SLC19A1: variants seen among roughly 807,000 people sequenced by gnomAD.
SLC19A1 encodes reduced folate transporter.
A neutral mutation model predicts 35.3 loss-of-function variants in SLC19A1; 37 were observed. That is an observed-to-expected ratio of 1.05 (90% CI 0.81 to 1.38). The LOEUF (loss-of-function observed/expected upper bound fraction) is 1.38, where lower values mean the gene tolerates loss of function less well. Among genes scored for constraint, SLC19A1 ranks in the 40% most tolerant of loss-of-function variants. SLC19A1 has a pLI of 0.00. For synonymous variants in SLC19A1, 460 were observed against 398.5 expected (o/e 1.15, Z -1.84); for missense variants, 831 against 826.9 (o/e 1.00, Z -0.06).
intron 3 of SLC19A1, chr21:45,504,379 T>A: frequency 6.3e-7 from 1 of 1,588,430 alleles, no homozygotes; most frequent in Non-Finnish European, 8.6e-7. Flanking sequence ...CTTGTAGGGG[T>A]TCAGGGCTCC....
chr21:45,556,426 C>T (rs899337028), intron 1 of SLC19A1, among the ~76,000 whole-genome samples: 3 of 152,214 alleles, frequency 2.0e-5, no homozygotes, highest in African/African-American at 7.2e-5. Context: ...CACCAGCGCC[C>T]GGGCTTGGGT....
At position 45,533,123 on chromosome 21, in the gene SLC19A1, G is replaced by T. The variant is rs929392470; in HGVS notation, c.190-975C>A. 3.9e-5 allele frequency among the ~76,000 whole-genome samples: 6 copies of T among 152,210 alleles called. No individual in the cohort carries two copies. Among genetic ancestry groups the T allele is most frequent in the Admixed American group, 1.3e-4 (2 of 15,284 alleles). ...GTAGCCGCCCTGCACCCTCCCAGGA[G>T]GGGGAGCACAGGCTGTCAGCCTGCC... On this transcript the variant is annotated intron_variant, in intron 2 of 5. Transcript: ENST00000311124. The surrounding 1 kb of genome is among the most constrained non-coding windows in gnomAD (Gnocchi z 4.5).
At chr21:45,548,055 G>A (rs757330659), upstream of SLC19A1, among the ~76,000 whole-genome samples, 2 of 152,188 alleles carry the variant, frequency 1.3e-5, no homozygotes, top group South Asian at 2.1e-4. Context: ...GAAAAGTGAC[G>A]TCGGAGAGCT....
rs534926726 is a variant in SLC19A1 at position 45,553,342 on chromosome 21, A to G, written c.-50+9400T>C. On this transcript the variant is annotated intron_variant, in intron 1 of 5. Coordinates refer to the SLC19A1 transcript ENST00000650808. ...CCAGGCCACATCCTCCCTCCAGCCCATGAGGGTCCCCGGGATAAAGTCCAG... is the reference window on the plus strand; with the variant it reads ...CCAGGCCACATCCTCCCTCCAGCCCGTGAGGGTCCCCGGGATAAAGTCCAG... 1.5e-4 allele frequency among the ~76,000 whole-genome samples: 23 copies of G among 151,980 alleles called. 1 individual carries two copies. The highest frequency in any genetic ancestry group is 4.8e-4 in the African/African-American group (20 of 41,428).
At chr21:45,518,430 G>T (rs1336374789) in intron 5 of SLC19A1, among the ~76,000 whole-genome samples, 2 of 152,094 alleles carry the variant, frequency 1.3e-5, no homozygotes, top group African/African-American at 4.8e-5. Flanking sequence ...AAAGGAGTGG[G>T]GTTCAAAAAG....
chr21:45,546,167 G>A (rs938102900), upstream of SLC19A1, among the ~76,000 whole-genome samples: 2 of 152,266 alleles, frequency 1.3e-5, no homozygotes, highest in Non-Finnish European at 2.9e-5. Context: ...TCCTCTCAGA[G>A]GCTGAGCCGG....
In SLC19A1 at chr21:45,534,305, T is replaced by C. The variant is rs928416989; in HGVS notation, c.190-2157A>G. 1.3e-5 allele frequency among the ~76,000 whole-genome samples: 2 copies of C among 152,100 alleles called. No individual in the cohort carries two copies. Among genetic ancestry groups the C allele is most frequent in the African/African-American group, 4.8e-5 (2 of 41,416 alleles). ...CCTCAGGGCCAGCCCAGGGAACCCCTGCAGATTCCGAAAGAAGCGGCTCAG... is the reference window on the plus strand; with the variant it reads ...CCTCAGGGCCAGCCCAGGGAACCCCCGCAGATTCCGAAAGAAGCGGCTCAG... On this transcript the variant is annotated intron_variant, in intron 2 of 5. Coordinates refer to ENST00000311124, the MANE Select transcript of SLC19A1 (RefSeq NM_194255.4). The surrounding 1 kb of genome is among the most constrained non-coding windows in gnomAD (Gnocchi z 4.2).
At chr21:45,560,118 G>A (rs1368954301) in intron 1 of SLC19A1, among the ~76,000 whole-genome samples, 1 of 151,830 alleles carries the variant, frequency 6.6e-6, no homozygotes. Flanking sequence ...GAGCCCTGGG[G>A]TCACTCATGG....
At chr21:45,561,010 C>G (rs1029429915) in intron 1 of SLC19A1, among the ~76,000 whole-genome samples, 7 of 152,232 alleles carry the variant, frequency 4.6e-5, no homozygotes, top group African/African-American at 9.6e-5. Flanking sequence ...TCCCAGCCAC[C>G]CATGTGCAAA....
intron 5 of SLC19A1, among the ~76,000 whole-genome samples, chr21:45,521,600 A>C (rs2077440351): frequency 6.6e-6 from 1 of 152,242 alleles, no homozygotes; most frequent in Non-Finnish European, 1.5e-5. Flanking sequence ...AATCAAGTCT[A>C]TCCACTTTCA....
At chr21:45,510,382 G>A (rs906241381), downstream of SLC19A1, 239 of 1,153,738 alleles carry the variant, frequency 2.1e-4, no homozygotes, top group Non-Finnish European at 2.7e-4. Flanking sequence ...AGACACTGGC[G>A]CCTAGGCTGG....
intron 2 of SLC19A1, 28 bp downstream of exon 2, chr21:45,537,721 CCCGCCCACCCACCCACAGGCGG>C (rs2078169576): frequency 4.2e-5 from 3 of 70,592 alleles, no homozygotes; most frequent in Admixed American, 4.2e-4. Flanking sequence ...GACGCTGCTC[CCCGCCCACCCACCCACAGGCGG>C]CCGCCCGGCA....
At position 45,530,008 on chromosome 21, in the gene SLC19A1, T is replaced by G. The variant is rs576302912; in HGVS notation, c.1151+762A>C. Among the ~76,000 whole-genome samples, 99 of 151,222 alleles carry G rather than the reference T, an allele frequency of 6.5e-4. No individual in the cohort carries two copies. Among genetic ancestry groups the G allele is most frequent in the Middle Eastern group, 3.5e-3 (1 of 286 alleles). ...GTGGTGGGTGTCCGTGTGTGTGGTG[T>G]GTGTCCATGTGTAAGTATGTGATGC... On this transcript the variant is annotated intron_variant, in intron 4 of 5. Transcript: ENST00000311124. This position sits in a 1 kb window ranked among gnomAD's most constrained non-coding sequence, Gnocchi z 5.3.
chr21:45,559,785 G>A (rs1174699662), intron 1 of SLC19A1, among the ~76,000 whole-genome samples: 1 of 152,178 alleles, frequency 6.6e-6, no homozygotes, highest in African/African-American at 2.4e-5. Context: ...CCCTCACACA[G>A]GGTATTTTTA....
chr21:45,556,886 C>T (rs2078567855), intron 1 of SLC19A1, among the ~76,000 whole-genome samples: 1 of 151,010 alleles, frequency 6.6e-6, no homozygotes, highest in South Asian at 2.1e-4. Context: ...CACGTGTCTC[C>T]TGGGACGGCG....
chr21:45,519,570 C>CAAAAAAAAAA (rs57639933), intron 5 of SLC19A1, among the ~76,000 whole-genome samples: 3 of 57,230 alleles, frequency 5.2e-5, no homozygotes, highest in Admixed American at 4.1e-4. Flanking sequence ...AACTTCTGAG[C>CAAAAAAAAAA]AAAAAAAAAA....
chr21:45,556,918 G>C (rs1172457795), intron 1 of SLC19A1, among the ~76,000 whole-genome samples: 1 of 152,076 alleles, frequency 6.6e-6, no homozygotes, highest in Non-Finnish European at 1.5e-5. Flanking sequence ...TGTGTCACCT[G>C]GGACGGCACC....
At position 45,530,708 on chromosome 21, in the gene SLC19A1, G is replaced by GT. The variant is rs1437003709; in HGVS notation, c.1151+61_1151+62insA. ...CAGCAGGAAGGTGGGAGCACCCAGC[G>GT]AAGCGCGGGGCTTGATCCTGGCGCC... On this transcript the variant is annotated intron_variant, in intron 4 of 5. Transcript: ENST00000311124. The surrounding 1 kb of genome is among the most constrained non-coding windows in gnomAD (Gnocchi z 5.3). The GT allele has an allele frequency of 2.0e-6, 3 of 1,502,058 alleles. No homozygotes were observed. In the African/African-American group the frequency reaches 4.2e-5, roughly 21 times the overall value. The allele number at this position is 1,502,058 out of a possible 1,614,324, so 93.0% of individuals were successfully genotyped here. A position where few individuals can be genotyped will look rare whatever the true frequency, so the allele number is the denominator to read the frequency against.
At chr21:45,539,698 C>G (rs1018899977) in intron 1 of SLC19A1, among the ~76,000 whole-genome samples, 2 of 152,188 alleles carry the variant, frequency 1.3e-5, no homozygotes, top group African/African-American at 4.8e-5. Flanking sequence ...CCTCCCCAGG[C>G]CACTTAGGCA....
Sources: gnomAD v4.1 joint callset for allele counts (sites outside exome capture counted in the v4.1 genomes callset) on GRCh38, gnomAD v4.1.1 for gene constraint, Gnocchi (gnomAD v3.1) non-coding constraint, MANE v1.5 for transcripts, NCBI Gene and HGNC (gene_info 2026-07-23, HGNC 2026-07-21) for gene names.